HOOK2: variants seen among roughly 807,000 people sequenced by gnomAD.
HOOK2 encodes the protein protein Hook homolog 2.
HOOK2 carries 108 observed loss-of-function variants against 111.9 expected under a neutral mutation model. The ratio of observed to expected loss-of-function variants is 0.96; its 90% confidence interval spans 0.83 to 1.13. The LOEUF is 1.13. Among genes scored for constraint, HOOK2 ranks in the 50% most tolerant of loss-of-function variants. The pLI is 0.00. For missense variants in HOOK2, 978 were observed against 951.3 expected, an observed-to-expected ratio of 1.03 and a Z score of -0.37; for synonymous variants, 405 against 394.3, an observed-to-expected ratio of 1.03 and a Z score of -0.32.
At chr19:12,780,489 T>C (rs1207585595), upstream of HOOK2, among the ~76,000 whole-genome samples, 1 of 150,956 alleles carries the variant, frequency 6.6e-6, no homozygotes, top group Non-Finnish European at 1.5e-5. Flanking sequence ...CCCAAGTAGC[T>C]GGGACTACAG....
chr19:12,777,359 A>T (rs1169305424), upstream of HOOK2, among the ~76,000 whole-genome samples: 2 of 151,770 alleles, frequency 1.3e-5, no homozygotes, highest in Admixed American at 6.6e-5. Flanking sequence ...GCACGCGCCT[A>T]TTCCCAGCTA....
rs750087569 is a variant in HOOK2 at position 12,767,885 on chromosome 19, C to T, written c.1234G>A (p.Asp412Asn). 2.1e-5 allele frequency: 34 copies of T among 1,609,570 alleles called. No homozygotes were observed. The East Asian group carries it at 7.6e-4, about 36-fold the overall frequency. Residue 412 changes from aspartate (D) to asparagine (N), a missense_variant, in exon 13 of 23, where the codon GAC becomes AAC. Around this residue, in one of 5 missense-constraint regions of HOOK2, gnomAD observed 388 missense variants for 358.3 expected, o/e 1.08. Coordinates refer to ENST00000397668, the MANE Select transcript of HOOK2 (RefSeq NM_013312.3). The part of the protein sequence containing the change: ...KEKERLLAER[D>N]SLREANEELR... Reference sequence around the variant, plus strand: ...TCCTCATTGGCCTCCCGCAAGGAGTCCCGCTCCGCCAACAGCCGCTGCAGG... The same window carrying T: ...TCCTCATTGGCCTCCCGCAAGGAGTTCCGCTCCGCCAACAGCCGCTGCAGG...
Position 12,770,058 on chromosome 19 carries a change from C to G in HOOK2, c.927G>C (p.Gln309His), listed in dbSNP as rs774831428. The G allele has an allele frequency of 3.0e-5, 46 of 1,532,004 alleles. No individual in the cohort carries two copies. The highest frequency in any genetic ancestry group is 3.8e-5 in the Non-Finnish European group (43 of 1,142,498). 94.9% of individuals were successfully genotyped at this position (1,532,004 alleles called of 1,614,324 possible). ...GGCAACTGGTCAGCGTGGCCTCCAG[C>G]TGCCCAGCACGCTCCGAAGACTGCC... ...ELRQSSERAG[Q>H]LEATLTSCRR... Residue 309 changes from glutamine to histidine, a missense_variant, in exon 11 of 23, where the codon CAG (glutamine) becomes CAC (histidine). Coordinates refer to ENST00000397668, the MANE Select transcript of HOOK2 (RefSeq NM_013312.3).
intron 1 of HOOK2, 108 bp from the exon 2 acceptor site, chr19:12,775,005 G>T: frequency 1.7e-6 from 2 of 1,193,746 alleles, no homozygotes; most frequent in Non-Finnish European, 2.4e-6. Flanking sequence ...TGGGGCGGGC[G>T]CTGCTCCGCC....
chr19:12,780,863 A>T (rs1968594466), upstream of HOOK2, among the ~76,000 whole-genome samples: 1 of 140,806 alleles, frequency 7.1e-6, no homozygotes, highest in Non-Finnish European at 1.6e-5. Flanking sequence ...CTGTAGTCCC[A>T]GCTACTGGGG....
At position 12,763,224 on chromosome 19, in the gene HOOK2, T is replaced by C. The variant is rs1968047134; in HGVS notation, c.*58A>G. On this transcript the variant is annotated 3_prime_UTR_variant, in exon 23 of 23. Coordinates refer to ENST00000397668, the MANE Select transcript of HOOK2 (RefSeq NM_013312.3). ...GGCTGAAGCCCAGTGCTGGGCGCCA[T>C]GTGAGCTGGAGGAAGCCAGGGTGGG... 2 of 1,425,970 alleles carry C rather than the reference T, an allele frequency of 1.4e-6. No individual in the cohort carries two copies. The highest frequency in any genetic ancestry group is 1.9e-5 in the Admixed American group (1 of 53,294). 88.3% of individuals were successfully genotyped at this position (1,425,970 alleles called of 1,614,324 possible). A position where few individuals can be genotyped will look rare whatever the true frequency, so the allele number is the denominator to read the frequency against.
Position 12,765,938 on chromosome 19 carries a change from T to C in HOOK2, c.1588A>G (p.Lys530Glu). The C allele has an allele frequency of 6.2e-7, 1 of 1,614,032 alleles. No individual in the cohort carries two copies. The highest frequency in any genetic ancestry group is 8.5e-7 in the Non-Finnish European group (1 of 1,179,942). ...TGGGTGACACTCACATCTTCAGTCTTGCCCCCCTGCTCCTGCAGGGCTTTC... is the reference window on the plus strand; with the variant it reads ...TGGGTGACACTCACATCTTCAGTCTCGCCCCCCTGCTCCTGCAGGGCTTTC... ...LQKALQEQGG[K>E]TEDAISILLK... The change falls in exon 16 of 23, where the codon AAG becomes GAG. Residue 530 changes from lysine (K) to glutamate (E), a missense_variant. Physicochemically the swap from Lys to Glu is moderately conservative, Grantham distance 56 (BLOSUM62 1). This residue lies in a region of HOOK2 where 277 missense variants were observed against 265.8 expected (regional missense o/e 1.04). Coordinates refer to ENST00000397668, the MANE Select transcript of HOOK2 (RefSeq NM_013312.3).
rs1053652587 is a variant in HOOK2 at position 12,767,475 on chromosome 19, C to A, written c.1304-11G>T. The A allele has an allele frequency of 1.9e-6, 3 of 1,610,804 alleles. No homozygotes were observed. The highest frequency in any genetic ancestry group is 2.5e-6 in the Non-Finnish European group (3 of 1,177,028). The stretch of plus-strand genomic sequence containing the variant: ...GATCCAGTGAGGGATCTGAAGAATG[C>A]GAGAAAAGTCTTCAGGTCTCTTCGC... On this transcript the variant is annotated splice_polypyrimidine_tract_variant and intron_variant, in intron 13 of 22. Coordinates refer to ENST00000397668, the MANE Select transcript of HOOK2 (RefSeq NM_013312.3).
Position 12,766,006 on chromosome 19 carries a change from T to C in HOOK2, c.1520A>G (p.Gln507Arg). 1.2e-6 allele frequency: 2 copies of C among 1,613,632 alleles called. No individual in the cohort carries two copies. The highest frequency in any genetic ancestry group is 1.7e-6 in the Non-Finnish European group (2 of 1,179,974). ...HGLETQHRLN[Q>R]QQLSELRAQV... Reference sequence around the variant, plus strand: ...GGCCCGCAGCTCGGATAGCTGCTGCTGGTTCAGCCTGCGAGGGTGGGGGGC... The same window carrying C: ...GGCCCGCAGCTCGGATAGCTGCTGCCGGTTCAGCCTGCGAGGGTGGGGGGC... The change falls in exon 16 of 23, where the codon CAG (glutamine) becomes CGG (arginine). Residue 507 changes from glutamine (Q) to arginine (R), a missense_variant. Gln to Arg is a conservative substitution (Grantham distance 43). This residue lies in a region of HOOK2 where 388 missense variants were observed against 358.3 expected (regional missense o/e 1.08). Coordinates refer to ENST00000397668, the MANE Select transcript of HOOK2 (RefSeq NM_013312.3).
chr19:12,767,220 TCTGGTAGGG>T (rs1459233085), intron 14 of HOOK2, among the ~76,000 whole-genome samples, 166 bp downstream of exon 14: 1 of 152,140 alleles, frequency 6.6e-6, no homozygotes, highest in Non-Finnish European at 1.5e-5. Context: ...GGCAAAGTCA[TCTGGTAGGG>T]CTGGACAGAG....
At position 12,791,874 on chromosome 19, in the gene HOOK2, C is replaced by A; in HGVS notation, n.42-17649G>T. The A allele has an allele frequency of 1.2e-6, 2 of 1,613,636 alleles. No individual in the cohort carries two copies. Among genetic ancestry groups the A allele is most frequent in the East Asian group, 2.2e-5 (1 of 44,872 alleles). ...CCTCTCTCTACACGACTACAAACTC[C>A]TGAAACCGAGCCTGGCGGTCAACCT... On this transcript the variant is annotated intron_variant and non_coding_transcript_variant, in intron 3 of 3. Transcript: ENST00000589765. The surrounding 1 kb of genome is among the most constrained non-coding windows in gnomAD (Gnocchi z 7.0).
chr19:12,775,964 C>T (rs954325384), upstream of HOOK2, among the ~76,000 whole-genome samples: 1 of 145,280 alleles, frequency 6.9e-6, no homozygotes, highest in African/African-American at 2.6e-5. Flanking sequence ...GCAGGCTCCG[C>T]CCCCTGGGGT....
intron 7 of HOOK2, 81 bp downstream of exon 7, chr19:12,772,109 C>A: frequency 3.8e-6 from 4 of 1,064,532 alleles, no homozygotes; most frequent in Non-Finnish European, 5.8e-6. Flanking sequence ...CAAGGTTAAT[C>A]ACAGCAAACT....
intron 3 of HOOK2, 132 bp from the exon 4 acceptor site, chr19:12,773,176 TA>T (rs1373752416): frequency 1.5e-5 from 12 of 791,418 alleles, no homozygotes; most frequent in Admixed American, 1.0e-4. Flanking sequence ...CGCCTTCCTC[TA>T]GGGGTGACCT....
At chr19:12,787,634 A>AAAAAC (rs1305968626) in intron 3 of HOOK2, among the ~76,000 whole-genome samples, 6 of 151,936 alleles carry the variant, frequency 3.9e-5, no homozygotes, top group Non-Finnish European at 7.4e-5. Context: ...TTTGTCTCAA[A>AAAAAC]AAAACAAAAC....
At chr19:12,766,305 G>C in intron 14 of HOOK2, 65 bp from the exon 15 acceptor site, 1 of 1,463,876 alleles carries the variant, frequency 6.8e-7, no homozygotes, top group African/African-American at 1.4e-5. Context: ...CTGGGGCTCA[G>C]GGAGAGTGGA....
chr19:12,765,178 C>T lies in HOOK2; in HGVS notation c.1641-97G>A, dbSNP rs1968111580. On this transcript the variant is annotated intron_variant, in intron 18 of 22. Coordinates refer to ENST00000397668, the MANE Select transcript of HOOK2 (RefSeq NM_013312.3). ...AGACCTCCCCGCCAGCCAGAAATGC[C>T]CCTACATGGCCACAGAGCCCTCTCT... is the stretch of plus-strand genomic sequence containing the variant. 5.1e-6 allele frequency: 6 copies of T among 1,168,202 alleles called. No individual in the cohort carries two copies. The Admixed American group carries it at 1.0e-4, about 20-fold the overall frequency. 72.4% of individuals were successfully genotyped at this position (1,168,202 alleles called of 1,614,324 possible).
intron 3 of HOOK2, chr19:12,787,250 C>G (rs1284085504): frequency 6.6e-6 from 1 of 152,204 alleles, no homozygotes; most frequent in East Asian, 1.9e-4. Context: ...GCTGGAACTA[C>G]AGGCACACCC....
At chr19:12,778,935 T>C (rs1202056326), upstream of HOOK2, among the ~76,000 whole-genome samples, 1 of 152,190 alleles carries the variant, frequency 6.6e-6, no homozygotes, top group Admixed American at 6.5e-5. Flanking sequence ...ATCTCTGTTT[T>C]GAAACACAGG....
Sources: gnomAD v4.1 joint callset for allele counts (sites outside exome capture counted in the v4.1 genomes callset) on GRCh38, gnomAD v4.1.1 for gene constraint, gnomAD v4.1.1 regional missense constraint, Gnocchi (gnomAD v3.1) non-coding constraint, MANE v1.5 for transcripts, NCBI Gene and HGNC (gene_info 2026-07-23, HGNC 2026-07-21) for gene names.